Variants in PLXNA4 observed in about 807,000 individuals in gnomAD.
PLXNA4 encodes the protein plexin A4.
In PLXNA4, 44 loss-of-function variants were observed where a neutral mutation model predicts 191.8. The observed-to-expected ratio is 0.23, with a 90% CI of 0.18 to 0.29. The LOEUF is 0.29. Among genes scored for constraint, PLXNA4 ranks in the 10% least tolerant of loss-of-function variants. The pLI, the probability that PLXNA4 is intolerant of heterozygous loss-of-function variation, is 1.00. For missense variants in PLXNA4, 1,800 were observed against 2,488.8 expected (o/e 0.72, Z 5.89); for synonymous variants, 1,082 against 1,009.5 (o/e 1.07, Z -1.36).
At chr7:132,438,293 G>A (rs1033185445) in intron 3 of PLXNA4, among the ~76,000 whole-genome samples, 3 of 151,804 alleles carry the variant, frequency 2.0e-5, no homozygotes, top group Non-Finnish European at 4.4e-5. Flanking sequence ...AACTATCATA[G>A]GGTTGCTTTG....
At chr7:132,592,528 T>C (rs1290827532) in intron 2 of PLXNA4, among the ~76,000 whole-genome samples, 1 of 151,800 alleles carries the variant, frequency 6.6e-6, no homozygotes, top group Non-Finnish European at 1.5e-5. Flanking sequence ...CCTTTTTTTT[T>C]TTTTCTGAAA....
chr7:132,344,150 C>A (rs866522781), intron 3 of PLXNA4, among the ~76,000 whole-genome samples: 16 of 152,196 alleles, frequency 1.1e-4, no homozygotes, highest in Admixed American at 2.6e-4. Context: ...TGGAAAGCAC[C>A]AGTCCTTTCA....
Position 132,146,141 on chromosome 7 carries a change from C to T in PLXNA4, c.5055+369G>A, listed in dbSNP as rs797011113. Among the ~76,000 whole-genome samples, 64 of 150,556 alleles carry T rather than the reference C, an allele frequency of 4.3e-4. 1 individual carries two copies. The highest frequency in any genetic ancestry group is 3.6e-3 in the Middle Eastern group (1 of 278). ...TGCCTGGGAAGTCGTGATGGAGCCC[C>T]GACTTCCCCAACTTGAGATTGTAGA... On this transcript the variant is annotated intron_variant, in intron 28 of 31. Transcript: ENST00000321063.
At chr7:132,584,086 G>A (rs964680000) in intron 2 of PLXNA4, among the ~76,000 whole-genome samples, 7 of 152,168 alleles carry the variant, frequency 4.6e-5, no homozygotes, top group African/African-American at 1.4e-4. Flanking sequence ...GGTCATTGAT[G>A]GGCCTGGATA....
chr7:132,375,531 T>C (rs1015863183), intron 3 of PLXNA4, among the ~76,000 whole-genome samples: 1 of 152,198 alleles, frequency 6.6e-6, no homozygotes, highest in Admixed American at 6.5e-5. Context: ...AAGGGTCTCA[T>C]GCAGCACTCA....
At chr7:132,436,926 A>T (rs1795492848) in intron 3 of PLXNA4, among the ~76,000 whole-genome samples, 1 of 152,194 alleles carries the variant, frequency 6.6e-6, no homozygotes, top group Non-Finnish European at 1.5e-5. Context: ...TGGCCAGCTC[A>T]GATGCCACCC....
chr7:132,371,258 T>C (rs1459141114), intron 3 of PLXNA4, among the ~76,000 whole-genome samples: 1 of 152,044 alleles, frequency 6.6e-6, no homozygotes, highest in African/African-American at 2.4e-5. Context: ...GAAAAGAATA[T>C]GGGAAGTTAA....
At chr7:132,574,740 C>T (rs749048356) in intron 1 of PLXNA4, among the ~76,000 whole-genome samples, 7 of 152,210 alleles carry the variant, frequency 4.6e-5, no homozygotes, top group Non-Finnish European at 7.3e-5. Context: ...CTGCGCTTCT[C>T]CCCAGCCTAG....
chr7:132,424,435 C>T (rs1009759210), intron 3 of PLXNA4, among the ~76,000 whole-genome samples: 3 of 152,200 alleles, frequency 2.0e-5, no homozygotes, highest in South Asian at 2.1e-4. Context: ...TCCTTGTGGA[C>T]GTCCAACCAG....
intron 3 of PLXNA4, among the ~76,000 whole-genome samples, chr7:132,454,670 C>T (rs992698858): frequency 1.3e-5 from 2 of 151,888 alleles, no homozygotes; most frequent in Non-Finnish European, 2.9e-5. Context: ...AATGAGATCA[C>T]TAGGGTGGAC....
chr7:132,335,813 C>A (rs1001690651), intron 3 of PLXNA4, among the ~76,000 whole-genome samples: 1 of 152,206 alleles, frequency 6.6e-6, no homozygotes, highest in African/African-American at 2.4e-5. Context: ...CTAACCCATG[C>A]ACCTGGATCT....
chr7:132,406,669 C>G (rs991367568), intron 3 of PLXNA4, among the ~76,000 whole-genome samples: 1 of 152,152 alleles, frequency 6.6e-6, no homozygotes, highest in Non-Finnish European at 1.5e-5. Context: ...CCTCATCCAG[C>G]CTTCTGTTTC....
chr7:132,249,914 G>T (rs1799186984), intron 4 of PLXNA4, among the ~76,000 whole-genome samples: 1 of 152,230 alleles, frequency 6.6e-6, no homozygotes, highest in Non-Finnish European at 1.5e-5. Context: ...CCAAGTAGCA[G>T]CCCTGAAGAG....
chr7:132,401,436 C>T (rs971571773), intron 3 of PLXNA4, among the ~76,000 whole-genome samples: 4 of 152,322 alleles, frequency 2.6e-5, no homozygotes, highest in African/African-American at 9.6e-5. Context: ...AGAACCTTTG[C>T]TCATGAAGGT....
chr7:132,377,422 GAA>G (rs10596289), intron 3 of PLXNA4, among the ~76,000 whole-genome samples: 999 of 86,518 alleles, frequency 0.012, 15 homozygotes, highest in African/African-American at 0.038. Flanking sequence ...AAATGAAAAA[GAA>G]AAAAAAAAAA....
intron 3 of PLXNA4, among the ~76,000 whole-genome samples, chr7:132,324,630 T>G (rs1802292853): frequency 6.6e-6 from 1 of 152,214 alleles, no homozygotes. Context: ...AATCTCCCTC[T>G]TCTTTGCATT....
At chr7:132,203,035 CTG>C (rs2116865074) in intron 11 of PLXNA4, among the ~76,000 whole-genome samples, 199 bp from the exon 12 acceptor site, 2 of 152,330 alleles carry the variant, frequency 1.3e-5, no homozygotes, top group South Asian at 4.1e-4. Context: ...ATGGGAAGCT[CTG>C]GGGTTCTCCG....
At position 132,602,719 on chromosome 7, in the gene PLXNA4, A is replaced by C. The variant is rs139238909; in HGVS notation, c.-87+43209T>G. Among the ~76,000 whole-genome samples the C allele has an allele frequency of 2.0e-3, 310 of 152,284 alleles. 1 individual carries two copies. The highest frequency in any genetic ancestry group is 0.01 in the Middle Eastern group (3 of 294). The stretch of plus-strand genomic sequence containing the variant: ...CTGCCTCCCATCTTAGCGAGGGAAG[A>C]GAGTACAAGAGGGATCAGAGACATG... On this transcript the variant is annotated intron_variant, in intron 2 of 4. Transcript: ENST00000378539.
At chr7:132,550,304 G>A (rs528312283) in intron 1 of PLXNA4, among the ~76,000 whole-genome samples, 2 of 152,292 alleles carry the variant, frequency 1.3e-5, no homozygotes, top group East Asian at 3.9e-4. Context: ...GTCTAAGCCT[G>A]GAGATGCCTA....
Sources: gnomAD v4.1 joint callset for allele counts (sites outside exome capture counted in the v4.1 genomes callset) on GRCh38, gnomAD v4.1.1 for gene constraint, MANE v1.5 for transcripts, NCBI Gene and HGNC (gene_info 2026-07-23, HGNC 2026-07-21) for gene names.